IQSEC1: variants seen among roughly 807,000 people sequenced by gnomAD.
The protein encoded by IQSEC1 is IQ motif and SEC7 domain-containing protein 1.
In IQSEC1, 31 loss-of-function variants were observed where a neutral mutation model predicts 91.0. That is an observed-to-expected ratio of 0.34 (90% CI 0.26 to 0.46). The LOEUF is 0.46. IQSEC1 is among the 20% of genes least tolerant of loss of function. The probability of loss-of-function intolerance (pLI) is 1.00; values close to 1 mark genes in which losing one functional copy is unlikely to be tolerated. For synonymous variants in IQSEC1, 699 were observed against 662.6 expected (o/e 1.05, Z -0.84); for missense variants, 1,388 against 1,575.6 (o/e 0.88, Z 2.02).
chr3:13,074,742 T>G (rs926671682), upstream of IQSEC1, among the ~76,000 whole-genome samples: 4 of 152,160 alleles, frequency 2.6e-5, no homozygotes, highest in South Asian at 8.3e-4. Flanking sequence ...ATCGGCTGGA[T>G]GTGGATGGCA....
intron 1 of IQSEC1, among the ~76,000 whole-genome samples, chr3:13,221,163 G>C (rs946315697): frequency 3.9e-5 from 6 of 152,102 alleles, no homozygotes; most frequent in African/African-American, 1.4e-4. Flanking sequence ...GGGGAGGGAA[G>C]TGGTTTCTGC....
At chr3:12,913,318 C>G in intron 9 of IQSEC1, 110 bp downstream of exon 9, 3 of 1,237,630 alleles carry the variant, frequency 2.4e-6, no homozygotes, top group Non-Finnish European at 2.2e-6. Context: ...CAAACCCTCC[C>G]TTTTGCACCC....
intron 2 of IQSEC1, among the ~76,000 whole-genome samples, chr3:13,151,372 T>G (rs913748143): frequency 6.6e-6 from 1 of 152,144 alleles, no homozygotes; most frequent in African/African-American, 2.4e-5. Flanking sequence ...CCTGAGTGAT[T>G]CATCATTCAG....
At chr3:13,052,715 C>T (rs1209381744) in intron 1 of IQSEC1, among the ~76,000 whole-genome samples, 1 of 152,120 alleles carries the variant, frequency 6.6e-6, no homozygotes, top group East Asian at 1.9e-4. Flanking sequence ...TTCACGTTGT[C>T]CCTTTCTATG....
At chr3:13,231,884 T>C (rs957413377) in intron 1 of IQSEC1, among the ~76,000 whole-genome samples, 1 of 152,228 alleles carries the variant, frequency 6.6e-6, no homozygotes, top group African/African-American at 2.4e-5. Context: ...GGCGATGCCG[T>C]GCATGACTTC....
chr3:12,956,423 C>T (rs1483048492), intron 1 of IQSEC1, among the ~76,000 whole-genome samples: 1 of 152,232 alleles, frequency 6.6e-6, no homozygotes, highest in African/African-American at 2.4e-5. Flanking sequence ...AGGCCTTCTG[C>T]TCCACTGGGT....
chr3:12,915,014 T>C (rs1258357501), intron 8 of IQSEC1, 90 bp downstream of exon 8: 7 of 1,363,484 alleles, frequency 5.1e-6, no homozygotes, highest in African/African-American at 1.4e-5. Context: ...ACTTGGGCTC[T>C]GGGAGCCTGG....
intron 1 of IQSEC1, among the ~76,000 whole-genome samples, chr3:12,991,819 T>C (rs891979237): frequency 2.0e-5 from 3 of 151,856 alleles, no homozygotes; most frequent in Non-Finnish European, 4.4e-5. Context: ...CTCTGGACAA[T>C]GGGGGAAGGG....
intron 1 of IQSEC1, among the ~76,000 whole-genome samples, chr3:13,028,640 G>C (rs1294750525): frequency 1.3e-5 from 2 of 152,242 alleles, no homozygotes; most frequent in African/African-American, 4.8e-5. Flanking sequence ...ATCAGTCAAA[G>C]TGACAGCCAG....
intron 1 of IQSEC1, among the ~76,000 whole-genome samples, chr3:13,169,981 G>A (rs565106691): frequency 6.8e-4 from 104 of 152,352 alleles, no homozygotes; most frequent in Non-Finnish European, 1.4e-3. Flanking sequence ...ATGAGAAGCC[G>A]AATGTTAATC....
At chr3:13,123,600 T>C (rs1237125926) in intron 2 of IQSEC1, among the ~76,000 whole-genome samples, 2 of 152,232 alleles carry the variant, frequency 1.3e-5, no homozygotes, top group Non-Finnish European at 2.9e-5. Flanking sequence ...GGTACCCAAG[T>C]GCCACCAGCC....
At chr3:13,173,773 G>T (rs1392737857) in intron 1 of IQSEC1, among the ~76,000 whole-genome samples, 1 of 152,242 alleles carries the variant, frequency 6.6e-6, no homozygotes, top group Non-Finnish European at 1.5e-5. Context: ...TGGGTCCAGA[G>T]TAGTGGTTCT....
In IQSEC1 at chr3:13,196,165, G is replaced by C. The variant is rs958869558; in HGVS notation, c.273-32032C>G. Among the ~76,000 whole-genome samples the C allele has an allele frequency of 2.0e-5, 3 of 152,196 alleles. No homozygotes were observed. The East Asian group carries it at 5.8e-4, about 29-fold the overall frequency. ...AGCCACCATGCTGTGAGGAAGCCCAGTTTACGTGGGGAAGCCTGGGAGGGG... is the reference window on the plus strand; with the variant it reads ...AGCCACCATGCTGTGAGGAAGCCCACTTTACGTGGGGAAGCCTGGGAGGGG... On this transcript the variant is annotated intron_variant, in intron 1 of 15. Transcript: ENST00000648114.
intron 1 of IQSEC1, among the ~76,000 whole-genome samples, chr3:13,180,149 G>A (rs111421230): frequency 1.2e-4 from 18 of 152,350 alleles, no homozygotes; most frequent in South Asian, 1.0e-3. Flanking sequence ...GCCCCAGTGC[G>A]GATCCACTGG....
chr3:12,943,285 G>T (rs546932112), intron 1 of IQSEC1, among the ~76,000 whole-genome samples: 1 of 152,318 alleles, frequency 6.6e-6, no homozygotes, highest in African/African-American at 2.4e-5. Flanking sequence ...GCACCATGGG[G>T]GAGCAGTGCC....
chr3:12,929,602 A>G (rs919190957), intron 3 of IQSEC1, among the ~76,000 whole-genome samples: 1 of 151,710 alleles, frequency 6.6e-6, no homozygotes, highest in Non-Finnish European at 1.5e-5. Context: ...AATTCCCTCT[A>G]CCCTCCGGAT....
At chr3:13,199,351 A>G (rs1240291814) in intron 1 of IQSEC1, among the ~76,000 whole-genome samples, 2 of 152,218 alleles carry the variant, frequency 1.3e-5, no homozygotes, top group Admixed American at 6.5e-5. Context: ...GTGACTGAGA[A>G]AATGGGCGTG....
At chr3:13,168,992 CTTAT>C (rs1693552588) in intron 1 of IQSEC1, among the ~76,000 whole-genome samples, 1 of 152,204 alleles carries the variant, frequency 6.6e-6, no homozygotes. Flanking sequence ...CTGTATCTGT[CTTAT>C]TTATCACCAT....
chr3:13,129,819 G>A (rs1345858487), intron 2 of IQSEC1, among the ~76,000 whole-genome samples: 2 of 151,462 alleles, frequency 1.3e-5, no homozygotes, highest in African/African-American at 2.4e-5. Flanking sequence ...CACCACGCCC[G>A]GCTAGTTTTT....
Sources: gnomAD v4.1 joint callset for allele counts (sites outside exome capture counted in the v4.1 genomes callset) on GRCh38, gnomAD v4.1.1 for gene constraint, MANE v1.5 for transcripts, NCBI Gene and HGNC (gene_info 2026-07-23, HGNC 2026-07-21) for gene names.